Variants in ICA1L observed in about 807,000 individuals in gnomAD.
The protein encoded by ICA1L is islet cell autoantigen 1 like.
In ICA1L, 50 loss-of-function variants were observed where a neutral mutation model predicts 61.3. The observed-to-expected ratio is 0.82, with a 90% CI of 0.65 to 1.03. The LOEUF is 1.03. ICA1L is among the 50% of genes least tolerant of loss of function. The pLI is 0.00. For missense variants in ICA1L, 508 were observed against 556.7 expected (o/e 0.91, Z 0.88); for synonymous variants, 161 against 191.3 (o/e 0.84, Z 1.31).
chr2:202,782,658 T>C (rs1367752431), intron 12 of ICA1L, among the ~76,000 whole-genome samples: 1 of 152,008 alleles, frequency 6.6e-6, no homozygotes, highest in Admixed American at 6.6e-5. Context: ...CTGCCCACCT[T>C]GGCCTCCCAA....
chr2:202,828,402 T>C (rs1693909505), intron 2 of ICA1L, among the ~76,000 whole-genome samples: 1 of 152,182 alleles, frequency 6.6e-6, no homozygotes, highest in African/African-American at 2.4e-5. Flanking sequence ...AAAAAGGCAT[T>C]AGGAAATATT....
intron 9 of ICA1L, among the ~76,000 whole-genome samples, chr2:202,798,744 T>C (rs1050657319): frequency 3.3e-5 from 5 of 152,208 alleles, no homozygotes; most frequent in Admixed American, 2.0e-4. Flanking sequence ...GTTTGTATCC[T>C]GTAACTTACC....
chr2:202,810,508 G>A (rs761941932), intron 9 of ICA1L, among the ~76,000 whole-genome samples: 51 of 152,162 alleles, frequency 3.4e-4, no homozygotes, highest in Non-Finnish European at 6.9e-4. Context: ...TTCGTAAACT[G>A]AGGAGGATGT....
At position 202,828,933 on chromosome 2, in the gene ICA1L, G is replaced by T. The variant is rs781287382; in HGVS notation, c.77C>A (p.Thr26Asn). 12 of 1,612,696 alleles carry T rather than the reference G, an allele frequency of 7.4e-6. No individual in the cohort carries two copies. The highest frequency in any genetic ancestry group is 1.7e-6 in the Non-Finnish European group (2 of 1,179,544). Residue 26 changes from threonine to asparagine, a missense_variant, in exon 2 of 13, where the codon ACT becomes AAT. Physicochemically the swap from Thr to Asn is moderately conservative, Grantham distance 65. Transcript: ENST00000358299. ...TGTTGCTTTGATAAAGACCTGTTTA[G>T]TTTTCCAGTATTTCTTTTGCATTCT... ...VRRMQKKYWK[T>N]KQVFIKATGK...
chr2:202,842,044 G>A (rs1694349751), intron 1 of ICA1L, among the ~76,000 whole-genome samples: 1 of 151,958 alleles, frequency 6.6e-6, no homozygotes, highest in Non-Finnish European at 1.5e-5. Context: ...TAGTGAAGAC[G>A]AGGTTTCACC....
Position 202,773,793 on chromosome 2 carries a change from G to A in ICA1L, c.*5740C>T, listed in dbSNP as rs957923180. The A allele has an allele frequency of 6.5e-6, 9 of 1,390,862 alleles. No homozygotes were observed. In the Admixed American group the frequency reaches 8.4e-5, roughly 13 times the overall value. 86.2% of individuals were successfully genotyped at this position (1,390,862 alleles called of 1,614,324 possible). The stretch of plus-strand genomic sequence containing the variant: ...GAATACATACACCGGTATGGTAATA[G>A]GCAAGAGCAGGCTGTAAAAGCAAAG... On this transcript the variant is annotated 3_prime_UTR_variant, in exon 13 of 13. Transcript: ENST00000358299.
chr2:202,781,499 G>A (rs888909421), intron 12 of ICA1L, among the ~76,000 whole-genome samples: 17 of 151,572 alleles, frequency 1.1e-4, no homozygotes, highest in African/African-American at 3.9e-4. Context: ...GCTTGAATCC[G>A]GGAGGCAGAG....
intron 1 of ICA1L, chr2:202,841,106 C>T: frequency 3.1e-6 from 2 of 636,012 alleles, no homozygotes; most frequent in South Asian, 1.5e-5. Context: ...CATACAGCTG[C>T]CCGAGGAGGT....
In ICA1L at chr2:202,777,684, T is replaced by C. The variant is rs753481599; in HGVS notation, c.*1849A>G. On this transcript the variant is annotated 3_prime_UTR_variant, in exon 13 of 13. Coordinates refer to ENST00000358299, the MANE Select transcript of ICA1L (RefSeq NM_001288622.3). Reference sequence around the variant, plus strand: ...TACTGTACTTGGCCATTGTAGTAGTTTTCTGGAGAGCCTGTGGGCAGTTAC... The same window carrying C: ...TACTGTACTTGGCCATTGTAGTAGTCTTCTGGAGAGCCTGTGGGCAGTTAC... The C allele has an allele frequency of 3.9e-5, 6 of 152,100 alleles. No individual in the cohort carries two copies. The highest frequency in any genetic ancestry group is 1.5e-5 in the Non-Finnish European group (1 of 68,032). 9.4% of individuals were successfully genotyped at this position (152,100 alleles called of 1,614,324 possible).
chr2:202,785,126 G>A (rs1486581339), intron 12 of ICA1L, among the ~76,000 whole-genome samples: 1 of 151,656 alleles, frequency 6.6e-6, no homozygotes. Context: ...GGCTGAGGCA[G>A]GAGAATCGCT....
intron 9 of ICA1L, among the ~76,000 whole-genome samples, chr2:202,799,964 G>A (rs1225119944): frequency 4.0e-5 from 6 of 148,814 alleles, no homozygotes; most frequent in Admixed American, 6.8e-5. Context: ...TGCATTCTCC[G>A]CCTCCCAGGT....
chr2:202,811,383 G>A (rs940013648), intron 9 of ICA1L, among the ~76,000 whole-genome samples: 11 of 152,064 alleles, frequency 7.2e-5, no homozygotes, highest in East Asian at 1.9e-4. Flanking sequence ...GGCTGGGCGC[G>A]GTGGCTCACA....
At chr2:202,832,964 C>T (rs939522133) in intron 1 of ICA1L, among the ~76,000 whole-genome samples, 2 of 151,966 alleles carry the variant, frequency 1.3e-5, no homozygotes, top group Non-Finnish European at 2.9e-5. Context: ...AAAACATCCC[C>T]AGATTTGTGA....
chr2:202,834,067 C>CA (rs938087912), intron 1 of ICA1L, among the ~76,000 whole-genome samples: 3 of 151,746 alleles, frequency 2.0e-5, no homozygotes, highest in African/African-American at 7.3e-5. Flanking sequence ...GTTCTTACCA[C>CA]AAAAAAAGAT....
intron 11 of ICA1L, 52 bp from the exon 12 acceptor site, chr2:202,786,059 A>T: frequency 9.7e-7 from 1 of 1,028,938 alleles, no homozygotes; most frequent in Non-Finnish European, 1.5e-6. Flanking sequence ...AGGAAGCAGC[A>T]TCAGAAAAAC....
intron 1 of ICA1L, among the ~76,000 whole-genome samples, chr2:202,848,160 G>A (rs967308058): frequency 3.9e-5 from 6 of 151,996 alleles, no homozygotes; most frequent in Non-Finnish European, 4.4e-5. Flanking sequence ...ATGGGGTTTC[G>A]CCATGTTGGG....
intron 1 of ICA1L, among the ~76,000 whole-genome samples, chr2:202,864,072 C>G (rs1289309390): frequency 3.3e-5 from 5 of 151,946 alleles, no homozygotes; most frequent in Admixed American, 3.3e-4. Context: ...AAAACGAAAC[C>G]CTTTCAGAAC....
chr2:202,781,390 T>A (rs1330451915), intron 12 of ICA1L, among the ~76,000 whole-genome samples: 1 of 151,424 alleles, frequency 6.6e-6, no homozygotes, highest in Non-Finnish European at 1.5e-5. Context: ...CTGGCCAACA[T>A]GGTGAAACCC....
chr2:202,804,515 C>A (rs557381237), intron 9 of ICA1L, among the ~76,000 whole-genome samples: 1 of 152,256 alleles, frequency 6.6e-6, no homozygotes, highest in East Asian at 1.9e-4. Context: ...ACACCCCCTA[C>A]CCCCAGATCC....
Sources: allele counts gnomAD v4.1 joint callset (sites outside exome capture counted in the v4.1 genomes callset), GRCh38; gene constraint gnomAD v4.1.1; transcripts MANE v1.5; gene names NCBI Gene and HGNC (gene_info 2026-07-23, HGNC 2026-07-21).